The following KCNMB2 variants were observed in gnomAD, a reference collection of about 807,000 sequenced individuals.
KCNMB2 encodes calcium-activated potassium channel subunit beta-2.
A neutral mutation model predicts 24.5 loss-of-function variants in KCNMB2; 9 were observed. The observed-to-expected ratio is 0.37, with a 90% CI of 0.22 to 0.64. The LOEUF (loss-of-function observed/expected upper bound fraction) is 0.64, where lower values mean the gene tolerates loss of function less well. KCNMB2 is among the 30% of genes least tolerant of loss of function. The pLI, the probability that KCNMB2 is intolerant of heterozygous loss-of-function variation, is 0.63. For missense variants in KCNMB2, 226 were observed against 284.3 expected (o/e 0.79, Z 1.47); for synonymous variants, 109 against 104.4 (o/e 1.04, Z -0.27).
At chr3:178,692,846 G>T (rs1721732160) in intron 1 of KCNMB2, among the ~76,000 whole-genome samples, 1 of 152,146 alleles carries the variant, frequency 6.6e-6, no homozygotes, top group Admixed American at 6.5e-5. Flanking sequence ...GGGCACTATG[G>T]CCATTTTAAT....
At chr3:178,677,187 T>C (rs1000213909) in intron 1 of KCNMB2, among the ~76,000 whole-genome samples, 1 of 152,200 alleles carries the variant, frequency 6.6e-6, no homozygotes, top group Non-Finnish European at 1.5e-5. Context: ...GCCACAACTC[T>C]GGGAGTGGAA....
At chr3:178,655,045 A>G (rs1720271136) in intron 1 of KCNMB2, among the ~76,000 whole-genome samples, 1 of 151,520 alleles carries the variant, frequency 6.6e-6, no homozygotes. Context: ...AATGAGATCA[A>G]ATAAGGTATA....
intron 1 of KCNMB2, among the ~76,000 whole-genome samples, chr3:178,584,155 C>T (rs563865170): frequency 3.9e-5 from 6 of 152,276 alleles, no homozygotes; most frequent in South Asian, 2.1e-4. Flanking sequence ...GATGATGAAA[C>T]GGATAGCTCA....
chr3:178,588,069 T>C (rs1717522981), intron 1 of KCNMB2, among the ~76,000 whole-genome samples: 1 of 152,028 alleles, frequency 6.6e-6, no homozygotes, highest in African/African-American at 2.4e-5. Flanking sequence ...GGACATGAAC[T>C]CATCATTTTT....
intron 1 of KCNMB2, among the ~76,000 whole-genome samples, chr3:178,784,992 A>G (rs763781916): frequency 2.0e-5 from 3 of 151,826 alleles, no homozygotes; most frequent in Non-Finnish European, 4.4e-5. Context: ...TCTCTGAATT[A>G]TGTCTCAAAT....
At chr3:178,678,468 G>A (rs1005718754) in intron 1 of KCNMB2, among the ~76,000 whole-genome samples, 1 of 152,188 alleles carries the variant, frequency 6.6e-6, no homozygotes, top group Non-Finnish European at 1.5e-5. Flanking sequence ...GAAGATAGAA[G>A]ACAGGAAAAC....
At chr3:178,768,645 T>C (rs552073731) in intron 1 of KCNMB2, among the ~76,000 whole-genome samples, 57 of 152,286 alleles carry the variant, frequency 3.7e-4, no homozygotes, top group South Asian at 3.5e-3. Flanking sequence ...TCAAGAAGTC[T>C]TACTCTCAGG....
chr3:178,644,266 C>T (rs1418200329), intron 1 of KCNMB2, among the ~76,000 whole-genome samples: 2 of 152,188 alleles, frequency 1.3e-5, no homozygotes, highest in Admixed American at 6.5e-5. Flanking sequence ...GCAAAGGGCA[C>T]CAGTGTGCAA....
At chr3:178,625,337 C>A (rs1719075594) in intron 1 of KCNMB2, among the ~76,000 whole-genome samples, 1 of 152,152 alleles carries the variant, frequency 6.6e-6, no homozygotes, top group Admixed American at 6.5e-5. Flanking sequence ...GAGCTGGACC[C>A]CCCCACCCCA....
At chr3:178,663,592 A>G (rs561779030) in intron 1 of KCNMB2, among the ~76,000 whole-genome samples, 100 of 152,288 alleles carry the variant, frequency 6.6e-4, no homozygotes, top group African/African-American at 2.2e-3. Flanking sequence ...TACAAATTGA[A>G]GACAGATTAT....
chr3:178,615,548 CA>C (rs893770608), intron 1 of KCNMB2, among the ~76,000 whole-genome samples: 20 of 152,216 alleles, frequency 1.3e-4, no homozygotes, highest in Non-Finnish European at 2.4e-4. Context: ...ACCCTGTAGC[CA>C]TCACCATCCC....
intron 1 of KCNMB2, among the ~76,000 whole-genome samples, chr3:178,758,083 CA>C (rs371901257): frequency 2.3e-4 from 17 of 75,136 alleles, no homozygotes; most frequent in South Asian, 4.2e-4. Flanking sequence ...TATATATATA[CA>C]CAAGAGGATA....
intron 1 of KCNMB2, among the ~76,000 whole-genome samples, chr3:178,633,189 T>C (rs2108540054): frequency 6.6e-6 from 1 of 152,276 alleles, no homozygotes; most frequent in East Asian, 1.9e-4. Flanking sequence ...GTGTAAGCTG[T>C]TGGTGGCTCT....
intron 4 of KCNMB2, 122 bp from the exon 5 acceptor site, chr3:178,842,531 T>C: frequency 1.5e-6 from 1 of 660,874 alleles, no homozygotes; most frequent in African/African-American, 1.8e-5. Flanking sequence ...AGTTTGAATA[T>C]GAAAAGAATA....
At chr3:178,813,923 G>A (rs1714294544) in intron 2 of KCNMB2, among the ~76,000 whole-genome samples, 1 of 151,982 alleles carries the variant, frequency 6.6e-6, no homozygotes, top group African/African-American at 2.4e-5. Context: ...AAACTTGAAC[G>A]ACCCCTACTC....
intron 1 of KCNMB2, among the ~76,000 whole-genome samples, chr3:178,620,567 AAAG>A (rs1718872983): frequency 6.6e-6 from 1 of 152,170 alleles, no homozygotes; most frequent in Non-Finnish European, 1.5e-5. Flanking sequence ...TGCATGATGA[AAAG>A]AATGAGCTAA....
At chr3:178,709,277 T>G (rs1237702681) in intron 1 of KCNMB2, among the ~76,000 whole-genome samples, 1 of 152,078 alleles carries the variant, frequency 6.6e-6, no homozygotes, top group Admixed American at 6.6e-5. Context: ...AAACAGAAAA[T>G]GTACTGGATA....
chr3:178,586,701 C>T (rs1379705049), intron 1 of KCNMB2, among the ~76,000 whole-genome samples: 2 of 151,750 alleles, frequency 1.3e-5, no homozygotes, highest in African/African-American at 2.4e-5. Context: ...TGTGCCACCA[C>T]GCCTGGCTAA....
chr3:178,810,039 G>A (rs530779984), intron 2 of KCNMB2, among the ~76,000 whole-genome samples: 10 of 151,674 alleles, frequency 6.6e-5, no homozygotes, highest in South Asian at 2.1e-4. Context: ...CCACATCTTC[G>A]TCTTTGCTGC....
Sources: gnomAD v4.1 joint callset for allele counts (sites outside exome capture counted in the v4.1 genomes callset) on GRCh38, gnomAD v4.1.1 for gene constraint, MANE v1.5 for transcripts, NCBI Gene and HGNC (gene_info 2026-07-23, HGNC 2026-07-21) for gene names.